The following TANK variants were observed in gnomAD, a reference collection of about 807,000 sequenced individuals.
The protein encoded by TANK is TRAF family member-associated NF-kappa-B activator.
In TANK, 15 loss-of-function variants were observed where a neutral mutation model predicts 43.6. That is an observed-to-expected ratio of 0.34 (90% CI 0.23 to 0.53). The LOEUF (loss-of-function observed/expected upper bound fraction) is 0.53, where lower values mean the gene tolerates loss of function less well. Ranked by LOEUF, TANK falls within the 20% of genes least tolerant of loss-of-function variation. The pLI is 0.94. For missense variants in TANK, 417 were observed against 498.6 expected (o/e 0.84, Z 1.56); for synonymous variants, 162 against 178.2 (o/e 0.91, Z 0.73).
chr2:161,167,673 A>G (rs912548404), intron 1 of TANK, among the ~76,000 whole-genome samples: 2 of 151,934 alleles, frequency 1.3e-5, no homozygotes, highest in South Asian at 4.2e-4. Flanking sequence ...CCCAGGCTGG[A>G]GTGCAGTGGC....
At chr2:161,161,709 G>T in intron 1 of TANK, 2 of 356,370 alleles carry the variant, frequency 5.6e-6, no homozygotes, top group South Asian at 3.6e-5. Flanking sequence ...TGTTGGCGTG[G>T]TACTGCATTG....
chr2:161,202,830 CTT>C (rs1686482490), intron 2 of TANK: 1 of 464,898 alleles, frequency 2.2e-6, no homozygotes, highest in Non-Finnish European at 4.4e-6. Flanking sequence ...TCAGTACAAA[CTT>C]GTGTCTTTTT....
At chr2:161,225,628 A>C (rs919902554) in intron 6 of TANK, among the ~76,000 whole-genome samples, 1 of 152,194 alleles carries the variant, frequency 6.6e-6, no homozygotes, top group African/African-American at 2.4e-5. Context: ...CTGATCATTT[A>C]TAATGATAAA....
chr2:161,156,079 T>G, upstream of TANK: 3 of 984,378 alleles, frequency 3.0e-6, no homozygotes, highest in Non-Finnish European at 3.6e-6. Flanking sequence ...TTCAAAGTAT[T>G]ACTTCAGATA....
intron 4 of TANK, among the ~76,000 whole-genome samples, chr2:161,211,159 A>T (rs1216147839): frequency 6.6e-6 from 1 of 152,190 alleles, no homozygotes; most frequent in Admixed American, 6.5e-5. Context: ...CTGCTTCTTC[A>T]ATTATGTATA....
At position 161,168,446 on chromosome 2, in the gene TANK, G is replaced by A. The variant is rs1055412418; in HGVS notation, c.-50+7960G>A. On this transcript the variant is annotated intron_variant, in intron 1 of 7. Coordinates refer to ENST00000392749, the MANE Select transcript of TANK (RefSeq NM_001199135.3). Reference sequence around the variant, plus strand: ...TGAAAGGGCCCACCAAACACCTATTGCTATGATATAGTCCATGGCCAAGTA... The same window carrying A: ...TGAAAGGGCCCACCAAACACCTATTACTATGATATAGTCCATGGCCAAGTA... Among the ~76,000 whole-genome samples, 6 of 152,094 alleles carry A rather than the reference G, an allele frequency of 3.9e-5. No individual in the cohort carries two copies. In the South Asian group the frequency reaches 6.2e-4, roughly 16 times the overall value.
intron 2 of TANK, among the ~76,000 whole-genome samples, chr2:161,195,574 ATATTAAGGACTTTCGGTTCTTTATTC>A (rs1173219199): frequency 4.7e-4 from 72 of 152,286 alleles, no homozygotes; most frequent in African/African-American, 1.7e-3. Context: ...CTTGGAGACC[ATATTAAGGACTTTCGGTTCTTTATTC>A]TAGGAGCGTA....
At chr2:161,180,215 C>G (rs1685359103) in intron 2 of TANK, 1 of 638,448 alleles carries the variant, frequency 1.6e-6, no homozygotes, top group Non-Finnish European at 2.0e-6. Context: ...CTCTTCCATT[C>G]TTTATAACAA....
At chr2:161,179,024 C>T (rs146668497) in intron 1 of TANK, among the ~76,000 whole-genome samples, 1 of 152,100 alleles carries the variant, frequency 6.6e-6, no homozygotes, top group East Asian at 1.9e-4. Context: ...GAAAACTAGT[C>T]GGTAGTGGGG....
intron 4 of TANK, among the ~76,000 whole-genome samples, chr2:161,210,070 T>G (rs143386577): frequency 3.9e-4 from 59 of 152,334 alleles, no homozygotes; most frequent in African/African-American, 1.3e-3. Context: ...AGATGTCAGT[T>G]AAACAGTTTG....
At chr2:161,167,574 G>GTTCCA (rs1260030101) in intron 1 of TANK, among the ~76,000 whole-genome samples, 1 of 152,108 alleles carries the variant, frequency 6.6e-6, no homozygotes, top group East Asian at 1.9e-4. Context: ...TTGCCTTGGG[G>GTTCCA]GGTTGCTCCA....
chr2:161,147,195 C>T (rs1033930121), intron 1 of TANK, among the ~76,000 whole-genome samples: 4 of 152,182 alleles, frequency 2.6e-5, no homozygotes, highest in African/African-American at 7.2e-5. Flanking sequence ...AGGGAAAAAG[C>T]GCAGCCTGGA....
At chr2:161,207,796 A>C (rs976600110) in intron 4 of TANK, 30 of 985,288 alleles carry the variant, frequency 3.0e-5, no homozygotes, top group Middle Eastern at 5.2e-4. Context: ...AATGAAAAAA[A>C]TCCATGTCTG....
chr2:161,160,943 C>A, intron 1 of TANK: 1 of 424,182 alleles, frequency 2.4e-6, no homozygotes, highest in South Asian at 2.1e-5. Flanking sequence ...CTGTTGTTTT[C>A]CCAAGGTGGT....
intron 1 of TANK, among the ~76,000 whole-genome samples, chr2:161,138,623 C>T (rs1317467181): frequency 6.6e-6 from 1 of 152,118 alleles, no homozygotes; most frequent in African/African-American, 2.4e-5. Context: ...AGCTTCAGAG[C>T]CGGAAGAAGA....
At chr2:161,176,125 AT>A (rs1685164178) in intron 1 of TANK, among the ~76,000 whole-genome samples, 3 of 152,182 alleles carry the variant, frequency 2.0e-5, no homozygotes, top group African/African-American at 7.2e-5. Flanking sequence ...AGTAAAAAGC[AT>A]TTTCCTGGAG....
At chr2:161,221,101 G>A (rs1229988687) in intron 4 of TANK, among the ~76,000 whole-genome samples, 1 of 152,116 alleles carries the variant, frequency 6.6e-6, no homozygotes, top group Non-Finnish European at 1.5e-5. Flanking sequence ...TTATCTTAAT[G>A]GATTTAGTTG....
At chr2:161,145,972 G>A (rs1683899078) in intron 1 of TANK, among the ~76,000 whole-genome samples, 1 of 152,090 alleles carries the variant, frequency 6.6e-6, no homozygotes, top group African/African-American at 2.4e-5. Flanking sequence ...TCAATCGTAG[G>A]TTAGGTCTTT....
intron 2 of TANK, among the ~76,000 whole-genome samples, chr2:161,199,126 T>C (rs371540909): frequency 6.6e-6 from 1 of 152,296 alleles, no homozygotes; most frequent in South Asian, 2.1e-4. Context: ...TTATCTTCCT[T>C]CATGAACTGT....
Sources: allele counts gnomAD v4.1 joint callset (sites outside exome capture counted in the v4.1 genomes callset), GRCh38; gene constraint gnomAD v4.1.1; transcripts MANE v1.5; gene names NCBI Gene and HGNC (gene_info 2026-07-23, HGNC 2026-07-21).